ERCC5: variants seen among roughly 807,000 people sequenced by gnomAD.
The protein encoded by ERCC5 is DNA excision repair protein ERCC-5.
A neutral mutation model predicts 105.6 loss-of-function variants in ERCC5; 68 were observed. The ratio of observed to expected loss-of-function variants is 0.64; its 90% CI spans 0.53 to 0.79. ERCC5 has a LOEUF of 0.79. Among genes scored for constraint, ERCC5 ranks in the 30% least tolerant of loss-of-function variants. The pLI is 0.00. For synonymous variants in ERCC5, 546 were observed against 526.2 expected, an observed-to-expected ratio of 1.04 and a Z score of -0.51; for missense variants, 1,373 against 1,426.7, an observed-to-expected ratio of 0.96 and a Z score of 0.61.
At chr13:102,861,960 T>C in intron 7 of ERCC5, 70 bp from the exon 8 acceptor site, 2 of 1,569,390 alleles carry the variant, frequency 1.3e-6, no homozygotes, top group South Asian at 2.2e-5. Flanking sequence ...TGTTCTCTTA[T>C]CCATCTTACT....
At chr13:102,849,939 T>A (rs531544260) in intron 1 of ERCC5, among the ~76,000 whole-genome samples, 30 of 146,690 alleles carry the variant, frequency 2.0e-4, no homozygotes, top group South Asian at 1.5e-3. Context: ...CTCTGTTTTT[T>A]TTTTCTTTTT....
chr13:102,857,378 G>T (rs760961438), intron 5 of ERCC5, among the ~76,000 whole-genome samples: 1 of 151,978 alleles, frequency 6.6e-6, no homozygotes, highest in South Asian at 2.1e-4. Context: ...TTTGTAAAAC[G>T]AAATTGATAT....
intron 6 of ERCC5, chr13:102,858,894 C>G (rs1297179930): frequency 4.4e-6 from 2 of 456,004 alleles, no homozygotes; most frequent in Non-Finnish European, 4.4e-6. Context: ...AAAATAAGTT[C>G]TAAATTGAAA....
At position 102,862,267 on chromosome 13, in the gene ERCC5, A is replaced by T. The variant is rs1882653754; in HGVS notation, c.1118A>T (p.Asn373Ile). The T allele has an allele frequency of 6.2e-7, 1 of 1,614,000 alleles. No homozygotes were observed. The highest frequency in any genetic ancestry group is 1.3e-5 in the African/African-American group (1 of 74,892). ...AATCGAAGGCAGGCCCGTGGGAGGA[A>T]CGCACCTGCTGCTGTAGACGAAGGC... ...SENRRQARGR[N>I]APAAVDEGSI... Residue 373 changes from asparagine (N) to isoleucine (I), a missense_variant, in exon 8 of 15, where the codon AAC (asparagine) becomes ATC (isoleucine). This residue lies in a region of ERCC5 where 1,004 missense variants were observed against 1,059.7 expected (regional missense o/e 0.95). Transcript: ENST00000652225.
In ERCC5 at chr13:102,875,968, C is replaced by T. The variant is rs968603435; in HGVS notation, c.*65C>T. On this transcript the variant is annotated 3_prime_UTR_variant, in exon 15 of 15. Transcript: ENST00000652225. ...ATTTGTAATGAATTTGTCGCAAAGA[C>T]GTAATAAAATTAACTGGTGGCACGG... The T allele has an allele frequency of 1.1e-4, 173 of 1,577,500 alleles. 1 individual carries two copies. Among genetic ancestry groups the T allele is most frequent in the Middle Eastern group, 6.6e-4 (4 of 6,026 alleles).
At chr13:102,871,561 G>A (rs1285646853) in intron 12 of ERCC5, among the ~76,000 whole-genome samples, 1 of 151,814 alleles carries the variant, frequency 6.6e-6, no homozygotes, top group East Asian at 1.9e-4. Flanking sequence ...CATACTTTAA[G>A]TAGAGTTCTA....
chr13:102,862,616 T>C lies in ERCC5; in HGVS notation c.1467T>C (p.Ser489=). The C allele has an allele frequency of 6.2e-7, 1 of 1,613,992 alleles. No homozygotes were observed. Among genetic ancestry groups the C allele is most frequent in the Non-Finnish European group, 8.5e-7 (1 of 1,179,990 alleles). Reference sequence around the variant, plus strand: ...TGGGGACTGAAGCCTTTCCGATAAGTGATGAGTCTATGATTAAGGACAGAA... The same window carrying C: ...TGGGGACTGAAGCCTTTCCGATAAGCGATGAGTCTATGATTAAGGACAGAA... ...VHVGTEAFPI[S]DESMIKDRKD... is the part of the protein sequence containing the mutation. Residue 489 remains serine (S), a synonymous_variant, in exon 8 of 15, where the codon AGT becomes AGC. Transcript: ENST00000652225.
intron 1 of ERCC5, chr13:102,849,243 G>C (rs760837643): frequency 3.7e-5 from 19 of 518,242 alleles, no homozygotes; most frequent in Admixed American, 1.7e-4. Context: ...TACTGTCTGC[G>C]TTAACTTGGG....
In ERCC5 at chr13:102,862,489, C is replaced by G. The variant is rs577826260; in HGVS notation, c.1340C>G (p.Ala447Gly). ...GGAATACCGTTTACTGCAACACTTG[C>G]GTCATCTAGTGTGAACTCTGCAGAG... is the stretch of plus-strand genomic sequence containing the variant. ...GKGIPFTATL[A>G]SSSVNSAEEH... is the part of the protein sequence containing the mutation. The change falls in exon 8 of 15, where the codon GCG (alanine) becomes GGG (glycine). Residue 447 changes from alanine (A) to glycine (G), a missense_variant. Physicochemically the swap from Ala to Gly is moderately conservative, Grantham distance 60. This residue lies in a region of ERCC5 where 1,004 missense variants were observed against 1,059.7 expected (regional missense o/e 0.95). Coordinates refer to ENST00000652225, the MANE Select transcript of ERCC5 (RefSeq NM_000123.4). 1 of 1,613,978 alleles carries G rather than the reference C, an allele frequency of 6.2e-7. No individual in the cohort carries two copies. The highest frequency in any genetic ancestry group is 1.1e-5 in the South Asian group (1 of 91,080).
At chr13:102,867,890 G>T (rs183630530) in intron 11 of ERCC5, among the ~76,000 whole-genome samples, 1 of 152,204 alleles carries the variant, frequency 6.6e-6, no homozygotes, top group African/African-American at 2.4e-5. Flanking sequence ...CTAACTTTGG[G>T]GGTCAGCGTA....
chr13:102,863,208 G>A, intron 8 of ERCC5, 105 bp downstream of exon 8: 1 of 1,281,288 alleles, frequency 7.8e-7, no homozygotes, highest in Non-Finnish European at 1.1e-6. Context: ...TACAGATAAG[G>A]AACGAGAGAC....
intron 2 of ERCC5, among the ~76,000 whole-genome samples, chr13:102,852,688 C>T (rs1043510617): frequency 3.3e-5 from 5 of 152,124 alleles, no homozygotes; most frequent in Non-Finnish European, 7.3e-5. Flanking sequence ...GATAGCAAGC[C>T]TTCTTTTAAG....
At chr13:102,870,558 T>C (rs1247362515) in intron 12 of ERCC5, among the ~76,000 whole-genome samples, 10 of 152,178 alleles carry the variant, frequency 6.6e-5, no homozygotes, top group Non-Finnish European at 1.5e-4. Flanking sequence ...ACAAGTGCAC[T>C]GATTCTAACT....
rs772553485 is a variant in ERCC5 at position 102,852,313 on chromosome 13, T to C, written c.264+20T>C. On this transcript the variant is annotated intron_variant, in intron 2 of 14. Transcript: ENST00000652225. ...ACTTTGGTAAGTGTCGTATAGTTTTTAGTAAGTGTCAAATAATTTTTTTCT... is the reference window on the plus strand; with the variant it reads ...ACTTTGGTAAGTGTCGTATAGTTTTCAGTAAGTGTCAAATAATTTTTTTCT... The C allele has an allele frequency of 1.9e-5, 31 of 1,611,738 alleles. No homozygotes were observed. The highest frequency in any genetic ancestry group is 2.6e-5 in the Non-Finnish European group (31 of 1,179,566).
intron 1 of ERCC5, 32 bp from the exon 2 acceptor site, chr13:102,852,086 C>G: frequency 6.2e-7 from 1 of 1,612,868 alleles, no homozygotes; most frequent in Non-Finnish European, 8.5e-7. Context: ...AGAGAAAAAT[C>G]CCGGAGTTTT....
At chr13:102,858,557 C>G in intron 6 of ERCC5, 139 bp downstream of exon 6, 1 of 1,261,414 alleles carries the variant, frequency 7.9e-7, no homozygotes, top group Non-Finnish European at 1.1e-6. Flanking sequence ...ATCTCAGATT[C>G]TAAGAAGCAT....
Position 102,875,416 on chromosome 13 carries a change from AAG to A in ERCC5, c.3078_3079del (p.Lys1027ArgfsTer19). ...AGAGCTGTGACATGTATGCTAAGGA[AAG>A]AGAAAGAAGCAGCAGCCAGCGAAAT... On this transcript the variant is annotated frameshift_variant, in exon 15 of 15. Coordinates refer to ENST00000652225, the MANE Select transcript of ERCC5 (RefSeq NM_000123.4). LOFTEE classifies it low-confidence loss of function (END_TRUNC). 6.2e-7 allele frequency: 1 copy of A among 1,614,222 alleles called. No homozygotes were observed. Among genetic ancestry groups the A allele is most frequent in the Non-Finnish European group, 8.5e-7 (1 of 1,180,034 alleles).
chr13:102,846,985 T>C (rs115920342), intron 1 of ERCC5, among the ~76,000 whole-genome samples: 199 of 152,304 alleles, frequency 1.3e-3, no homozygotes, highest in African/African-American at 4.6e-3. Flanking sequence ...AATAAAGAAA[T>C]TGCCTACATG....
rs371566420 is a variant in ERCC5 at position 102,856,029 on chromosome 13, G to A, written c.468-23G>A. 26 of 1,612,652 alleles carry A rather than the reference G, an allele frequency of 1.6e-5. 1 individual carries two copies. Among genetic ancestry groups the A allele is most frequent in the Middle Eastern group, 3.3e-4 (2 of 6,060 alleles). ...GGGGTCCTTAAAAATCATAGATATC[G>A]TAAAAGTATGTTTGACTTTCAGTTC... On this transcript the variant is annotated intron_variant, in intron 4 of 14. Coordinates refer to ENST00000652225, the MANE Select transcript of ERCC5 (RefSeq NM_000123.4).
Sources: allele counts gnomAD v4.1 joint callset (sites outside exome capture counted in the v4.1 genomes callset), GRCh38; gene constraint gnomAD v4.1.1; regional missense constraint gnomAD v4.1.1; transcripts MANE v1.5; gene names NCBI Gene and HGNC (gene_info 2026-07-23, HGNC 2026-07-21).